ADAM18: variants seen among roughly 807,000 people sequenced by gnomAD.
ADAM18 encodes the protein disintegrin and metalloproteinase domain-containing protein 18.
In ADAM18, 117 loss-of-function variants were observed where a neutral mutation model predicts 94.4. The ratio of observed to expected loss-of-function variants is 1.24; its 90% confidence interval spans 1.07 to 1.45. The LOEUF is 1.45. Among genes scored for constraint, ADAM18 ranks in the 40% most tolerant of loss-of-function variants. The pLI is 0.00. For synonymous variants in ADAM18, 327 were observed against 291.6 expected (o/e 1.12, Z -1.24); for missense variants, 936 against 880.0 (o/e 1.06, Z -0.81).
intron 12 of ADAM18, among the ~76,000 whole-genome samples, chr8:39,657,293 T>C (rs984050417): frequency 2.0e-5 from 3 of 152,116 alleles, no homozygotes; most frequent in African/African-American, 7.2e-5. Context: ...TAGTAGTCAC[T>C]AAAAAGGTCT....
chr8:39,717,042 T>A (rs559718004), intron 18 of ADAM18, among the ~76,000 whole-genome samples: 51 of 151,930 alleles, frequency 3.4e-4, no homozygotes, highest in Non-Finnish European at 6.8e-4. Context: ...TTTATTTATG[T>A]ATGTATTTGC....
chr8:39,703,079 G>A (rs1206237885), intron 17 of ADAM18, among the ~76,000 whole-genome samples: 2 of 152,154 alleles, frequency 1.3e-5, no homozygotes, highest in Non-Finnish European at 1.5e-5. Context: ...TGGGCAGTGA[G>A]GCTGTTTTCA....
chr8:39,605,368 C>T (rs1037349224), intron 2 of ADAM18, among the ~76,000 whole-genome samples: 1 of 152,146 alleles, frequency 6.6e-6, no homozygotes, highest in Non-Finnish European at 1.5e-5. Flanking sequence ...TGTTAGTACC[C>T]AATTTGTGAT....
chr8:39,701,629 C>A (rs562304169), intron 17 of ADAM18, among the ~76,000 whole-genome samples: 1 of 152,240 alleles, frequency 6.6e-6, no homozygotes, highest in East Asian at 1.9e-4. Context: ...TCCTGACCCA[C>A]TCCTCCTCCC....
At chr8:39,653,260 A>G (rs1375931089) in intron 12 of ADAM18, among the ~76,000 whole-genome samples, 1 of 152,214 alleles carries the variant, frequency 6.6e-6, no homozygotes, top group Non-Finnish European at 1.5e-5. Flanking sequence ...CATGCTGTAC[A>G]TCATTAATAC....
rs201622092 is a variant in ADAM18, at chr8:39,586,800, C to A, written c.132+1448C>A. Reference sequence around the variant, plus strand: ...TCTATCTATCTATCTATCTATCTATCTATATCTATCTATCTATCATCTATT... The same window carrying A: ...TCTATCTATCTATCTATCTATCTATATATATCTATCTATCTATCATCTATT... On this transcript the variant is annotated intron_variant, in intron 2 of 19. Transcript: ENST00000265707. Among the ~76,000 whole-genome samples the A allele has an allele frequency of 8.3e-3, 1,004 of 120,304 alleles. 3 individuals carry two copies. The highest frequency in any genetic ancestry group is 0.021 in the Middle Eastern group (5 of 238). 78.9% of individuals were successfully genotyped at this position (120,304 alleles called of 152,430 possible).
intron 17 of ADAM18, among the ~76,000 whole-genome samples, chr8:39,693,629 T>A (rs1821842607): frequency 6.6e-6 from 1 of 151,222 alleles, no homozygotes; most frequent in African/African-American, 2.4e-5. Flanking sequence ...TTCACAATTG[T>A]TTTCTTAATA....
intron 10 of ADAM18, 82 bp downstream of exon 10, chr8:39,638,628 T>G (rs1410586821): frequency 2.5e-6 from 2 of 787,054 alleles, no homozygotes; most frequent in Admixed American, 6.2e-5. Context: ...AGTAGTTAAA[T>G]AGTGTAAAAC....
intron 14 of ADAM18, among the ~76,000 whole-genome samples, chr8:39,668,407 T>A (rs1279147515): frequency 6.6e-6 from 1 of 152,180 alleles, no homozygotes; most frequent in East Asian, 1.9e-4. Context: ...TGATTTTTGT[T>A]TTTGATGATT....
intron 13 of ADAM18, among the ~76,000 whole-genome samples, chr8:39,666,893 TTG>T (rs1585959096): frequency 6.6e-6 from 1 of 151,906 alleles, no homozygotes; most frequent in Non-Finnish European, 1.5e-5. Flanking sequence ...GGATTGTATT[TTG>T]TGTGTGTGTT....
chr8:39,706,059 A>G (rs988383404), intron 17 of ADAM18, among the ~76,000 whole-genome samples: 2 of 152,128 alleles, frequency 1.3e-5, no homozygotes, highest in African/African-American at 4.8e-5. Flanking sequence ...TTTCAGTTCT[A>G]TACACTTTTA....
chr8:39,687,362 T>A (rs949878366), intron 16 of ADAM18, among the ~76,000 whole-genome samples: 15 of 152,342 alleles, frequency 9.8e-5, no homozygotes, highest in Non-Finnish European at 1.2e-4. Context: ...AAGCTGATGA[T>A]CCAGTGAGAA....
chr8:39,620,099 G>A (rs1455625637), intron 6 of ADAM18, among the ~76,000 whole-genome samples: 1 of 151,660 alleles, frequency 6.6e-6, no homozygotes, highest in Non-Finnish European at 1.5e-5. Context: ...TTTTGACAAT[G>A]TTGCCAAGAA....
At chr8:39,600,048 A>G (rs1422574634) in intron 2 of ADAM18, among the ~76,000 whole-genome samples, 1 of 152,174 alleles carries the variant, frequency 6.6e-6, no homozygotes, top group East Asian at 1.9e-4. Flanking sequence ...TAAGTCTGAC[A>G]TTAGCTGTAG....
chr8:39,686,357 G>A (rs1821605320), intron 16 of ADAM18, among the ~76,000 whole-genome samples: 1 of 152,178 alleles, frequency 6.6e-6, no homozygotes, highest in Non-Finnish European at 1.5e-5. Flanking sequence ...AGATCAAAGT[G>A]CCAGCAGATT....
chr8:39,692,804 T>A (rs1821819102), intron 17 of ADAM18, 124 bp downstream of exon 17: 2 of 599,774 alleles, frequency 3.3e-6, no homozygotes, highest in South Asian at 6.6e-5. Context: ...TAAAGAAAAT[T>A]AACTGACCTA....
chr8:39,609,298 ACT>A (rs1295228278), intron 4 of ADAM18, among the ~76,000 whole-genome samples, 178 bp downstream of exon 4: 1 of 152,044 alleles, frequency 6.6e-6, no homozygotes, highest in Non-Finnish European at 1.5e-5. Context: ...ACTCACAGGG[ACT>A]CTCTTGTGCC....
chr8:39,729,213 T>C lies in ADAM18; in HGVS notation c.2178-685T>C, dbSNP rs115556819. ...TATTCAATGAGGAGTTATTCTTTAC[T>C]GAGCACAGAATTTCACTTTTGCAAG... On this transcript the variant is annotated intron_variant, in intron 19 of 19. Transcript: ENST00000265707. 9.3e-3 allele frequency among the ~76,000 whole-genome samples: 1,418 copies of C among 152,250 alleles called. 15 individuals carry two copies. Among genetic ancestry groups the C allele is most frequent in the African/African-American group, 0.032 (1,339 of 41,526 alleles).
intron 2 of ADAM18, among the ~76,000 whole-genome samples, chr8:39,594,772 C>G (rs545263688): frequency 8.4e-6 from 1 of 119,144 alleles, no homozygotes; most frequent in Middle Eastern, 5.1e-3. Context: ...AGAAATTGAA[C>G]TATGATGCAT....
Sources: gnomAD v4.1 joint callset for allele counts (sites outside exome capture counted in the v4.1 genomes callset) on GRCh38, gnomAD v4.1.1 for gene constraint, MANE v1.5 for transcripts, NCBI Gene and HGNC (gene_info 2026-07-23, HGNC 2026-07-21) for gene names.